The following JADE2 variants were observed in gnomAD, a reference collection of about 807,000 sequenced individuals.
JADE2 encodes jade family PHD finger 2.
In JADE2, 13 loss-of-function variants were observed where a neutral mutation model predicts 85.7. The ratio of observed to expected loss-of-function variants is 0.15; its 90% CI spans 0.10 to 0.24. JADE2 has a LOEUF of 0.24. Ranked by LOEUF, JADE2 falls within the 10% of genes least tolerant of loss-of-function variation. JADE2 has a pLI of 1.00. For missense variants in JADE2, 846 were observed against 1,115.9 expected (o/e 0.76, Z 3.45); for synonymous variants, 440 against 456.1 (o/e 0.96, Z 0.45).
intron 3 of JADE2, among the ~76,000 whole-genome samples, chr5:134,551,126 A>G (rs1762567358): frequency 1.3e-5 from 2 of 151,850 alleles, no homozygotes; most frequent in Non-Finnish European, 2.9e-5. Flanking sequence ...TTATACCTCC[A>G]CTTGTGTCTG....
At chr5:134,553,454 T>C (rs1000179412) in intron 4 of JADE2, among the ~76,000 whole-genome samples, 33 of 150,894 alleles carry the variant, frequency 2.2e-4, no homozygotes, top group African/African-American at 7.8e-4. Context: ...CCCGGGTTCA[T>C]GCGATTCTCC....
intron 3 of JADE2, among the ~76,000 whole-genome samples, chr5:134,548,457 A>G (rs1762421611): frequency 6.6e-6 from 1 of 152,168 alleles, no homozygotes; most frequent in Admixed American, 6.5e-5. Context: ...TTAATTCAGG[A>G]ACAGCGTTTA....
intron 3 of JADE2, among the ~76,000 whole-genome samples, chr5:134,550,095 T>G (rs1762514157): frequency 6.6e-6 from 1 of 152,254 alleles, no homozygotes; most frequent in South Asian, 2.1e-4. Flanking sequence ...GATATGCAAA[T>G]TATCTGGGCT....
At position 134,526,396 on chromosome 5, in the gene JADE2, C is replaced by A. The variant is rs537993299; in HGVS notation, c.-1+385C>A. 2.1e-5 allele frequency: 21 copies of A among 985,204 alleles called. No individual in the cohort carries two copies. The South Asian group carries it at 8.4e-4, about 40-fold the overall frequency. The allele number at this position is 985,204 out of a possible 1,614,324, so 61.0% of individuals were successfully genotyped here. A position where few individuals can be genotyped will look rare whatever the true frequency, so the allele number is the denominator to read the frequency against. ...AGGGCTGCAACTTCCCCGCGGGCTC[C>A]GGCCGGGCGTAGGGGCTGCGGCGGG... On this transcript the variant is annotated intron_variant, in intron 1 of 11. Coordinates refer to ENST00000681547, the MANE Select transcript of JADE2 (RefSeq NM_001388185.1).
At chr5:134,539,130 C>T (rs1362506329) in intron 3 of JADE2, among the ~76,000 whole-genome samples, 13 of 151,214 alleles carry the variant, frequency 8.6e-5, no homozygotes, top group African/African-American at 2.7e-4. Context: ...GGCGTGATCT[C>T]GGCTCACTGC....
chr5:134,569,227 C>T (rs942185684), intron 9 of JADE2, among the ~76,000 whole-genome samples: 1 of 152,130 alleles, frequency 6.6e-6, no homozygotes. Context: ...AGAAGGGAGG[C>T]CAGCCCGTGC....
At chr5:134,547,627 T>G (rs1301454434) in intron 3 of JADE2, among the ~76,000 whole-genome samples, 1 of 152,222 alleles carries the variant, frequency 6.6e-6, no homozygotes. Flanking sequence ...AAAATGATGT[T>G]TAGGTTACAA....
At chr5:134,554,698 G>A (rs972106245) in intron 4 of JADE2, among the ~76,000 whole-genome samples, 4 of 152,096 alleles carry the variant, frequency 2.6e-5, no homozygotes, top group African/African-American at 7.2e-5. Flanking sequence ...AGGATGGACT[G>A]GGGGTGGGGA....
chr5:134,576,977 G>A (rs1316185745), intron 11 of JADE2, 81 bp downstream of exon 11: 1 of 1,455,642 alleles, frequency 6.9e-7, no homozygotes, highest in Non-Finnish European at 9.1e-7. Flanking sequence ...CCTGCGGAAG[G>A]CCAGCTGCAC....
intron 3 of JADE2, among the ~76,000 whole-genome samples, chr5:134,539,042 A>T (rs1409770031): frequency 1.7e-5 from 1 of 57,482 alleles, no homozygotes; most frequent in African/African-American, 7.1e-5. Context: ...TTTTATTTTT[A>T]TTTTATTTAT....
At chr5:134,577,863 A>G (rs2589400) in intron 11 of JADE2, among the ~76,000 whole-genome samples, 86,417 of 151,892 alleles carry the variant, frequency 0.57, 26,878 homozygotes, top group Middle Eastern at 0.7. Context: ...GACATCCAGG[A>G]GGGACTGGAT....
At chr5:134,549,249 C>T (rs1966789) in intron 3 of JADE2, among the ~76,000 whole-genome samples, 44,254 of 151,966 alleles carry the variant, frequency 0.29, 6,775 homozygotes, top group Non-Finnish European at 0.33. Flanking sequence ...CAGGGCCGGG[C>T]GCGGTGGCTC....
At position 134,525,736 on chromosome 5, in the gene JADE2, G is replaced by T. The variant is rs75304543; in HGVS notation, c.-276G>T. ...CCATCGCAGTTGGAGGCTATTTTTTGGGGGGGGTGAGTAGCGTCCATGGAG... is the reference window on the plus strand; with the variant it reads ...CCATCGCAGTTGGAGGCTATTTTTTTGGGGGGGTGAGTAGCGTCCATGGAG... On this transcript the variant is annotated 5_prime_UTR_variant, in exon 1 of 12. Coordinates refer to ENST00000681547, the MANE Select transcript of JADE2 (RefSeq NM_001388185.1). 161,276 of 1,212,898 alleles carry T rather than the reference G, an allele frequency of 0.13. 11,638 individuals carry two copies. The highest frequency in any genetic ancestry group is 0.35 in the East Asian group (4,371 of 12,528). 75.1% of individuals were successfully genotyped at this position (1,212,898 alleles called of 1,614,324 possible). A position where few individuals can be genotyped will look rare whatever the true frequency, so the allele number is the denominator to read the frequency against.
At chr5:134,550,709 G>A (rs1762541446) in intron 3 of JADE2, among the ~76,000 whole-genome samples, 1 of 152,216 alleles carries the variant, frequency 6.6e-6, no homozygotes, top group South Asian at 2.1e-4. Flanking sequence ...GTGGGATCAG[G>A]TGACTGGGGC....
At chr5:134,528,623 G>T (rs1258339721) in intron 1 of JADE2, among the ~76,000 whole-genome samples, 1 of 152,208 alleles carries the variant, frequency 6.6e-6, no homozygotes, top group Non-Finnish European at 1.5e-5. Context: ...AGGGATGTTT[G>T]TTTGATCTGG....
rs577334538 is a variant in JADE2, at chr5:134,568,263, A to G, written c.1434+1683A>G. Among the ~76,000 whole-genome samples the G allele has an allele frequency of 1.1e-4, 17 of 152,324 alleles. No homozygotes were observed. The South Asian group carries it at 3.3e-3, about 30-fold the overall frequency. ...GAGGAAACTGGGGCTCGGAGAGACG[A>G]ATAACAGGAAGTCTTAGAGGAACTC... On this transcript the variant is annotated intron_variant, in intron 9 of 11. Coordinates refer to ENST00000681547, the MANE Select transcript of JADE2 (RefSeq NM_001388185.1).
chr5:134,549,194 T>C (rs536696641), intron 3 of JADE2, among the ~76,000 whole-genome samples: 2 of 152,220 alleles, frequency 1.3e-5, no homozygotes, highest in African/African-American at 4.8e-5. Context: ...CCTCAGTTGG[T>C]GATCAGGAAG....
chr5:134,567,836 G>T (rs1763744561), intron 9 of JADE2, among the ~76,000 whole-genome samples: 1 of 152,192 alleles, frequency 6.6e-6, no homozygotes, highest in Non-Finnish European at 1.5e-5. Flanking sequence ...CACCAGGCCA[G>T]AAGGAAGAGG....
At chr5:134,536,364 G>C (rs761990322) in intron 2 of JADE2, among the ~76,000 whole-genome samples, 3 of 152,136 alleles carry the variant, frequency 2.0e-5, no homozygotes, top group Non-Finnish European at 4.4e-5. Flanking sequence ...TATATCCCCA[G>C]CTACGATCTG....
Sources: allele counts gnomAD v4.1 joint callset (sites outside exome capture counted in the v4.1 genomes callset), GRCh38; gene constraint gnomAD v4.1.1; transcripts MANE v1.5; gene names NCBI Gene and HGNC (gene_info 2026-07-23, HGNC 2026-07-21).